ABCB1: variants seen among roughly 807,000 people sequenced by gnomAD.
ABCB1 encodes ATP binding cassette subfamily B member 1.
Under a neutral mutation model 142.0 loss-of-function variants are expected in ABCB1, and 69 were observed. That is an observed-to-expected ratio of 0.49 (90% CI 0.40 to 0.59). The LOEUF is 0.59. Among genes scored for constraint, ABCB1 ranks in the 20% least tolerant of loss-of-function variants. ABCB1 has a pLI of 0.00. For synonymous variants in ABCB1, 532 were observed against 539.2 expected (o/e 0.99, Z 0.18); for missense variants, 1,326 against 1,554.7 (o/e 0.85, Z 2.47).
intron 1 of ABCB1, among the ~76,000 whole-genome samples, chr7:87,647,036 A>G (rs925046171): frequency 2.7e-4 from 41 of 152,180 alleles, no homozygotes; most frequent in African/African-American, 9.2e-4. Context: ...GCATTCCTCA[A>G]TCAGGGTTCA....
intron 14 of ABCB1, among the ~76,000 whole-genome samples, chr7:87,549,010 G>T (rs571298080): frequency 5.8e-4 from 89 of 152,220 alleles, no homozygotes; most frequent in Non-Finnish European, 1.0e-3. Flanking sequence ...AAATAACAGG[G>T]TTATCCACAT....
At chr7:87,597,157 A>G (rs892218412) in intron 2 of ABCB1, among the ~76,000 whole-genome samples, 1 of 152,008 alleles carries the variant, frequency 6.6e-6, no homozygotes, top group African/African-American at 2.4e-5. Context: ...CCTGACCACC[A>G]AACTATAAGG....
At chr7:87,595,159 T>TA (rs942731186) in intron 3 of ABCB1, among the ~76,000 whole-genome samples, 2 of 151,980 alleles carry the variant, frequency 1.3e-5, no homozygotes, top group Non-Finnish European at 2.9e-5. Flanking sequence ...GAAAAGCTTC[T>TA]AAAAAAACCA....
At chr7:87,711,387 A>G (rs1366084608) in intron 1 of ABCB1, among the ~76,000 whole-genome samples, 1 of 151,876 alleles carries the variant, frequency 6.6e-6, no homozygotes, top group South Asian at 2.1e-4. Flanking sequence ...ATAATTAGTT[A>G]TTGCTTATCT....
At chr7:87,672,807 T>A (rs1044931615) in intron 1 of ABCB1, among the ~76,000 whole-genome samples, 8 of 152,156 alleles carry the variant, frequency 5.3e-5, no homozygotes, top group Non-Finnish European at 1.0e-4. Flanking sequence ...CAGGGGAGGT[T>A]CCCCTGGCTC....
chr7:87,530,941 G>A (rs919615787), intron 21 of ABCB1, among the ~76,000 whole-genome samples: 41 of 150,300 alleles, frequency 2.7e-4, no homozygotes, highest in African/African-American at 1.0e-3. Context: ...AAGGAAAGAA[G>A]GAAGGAAGGA....
intron 25 of ABCB1, among the ~76,000 whole-genome samples, chr7:87,512,547 C>T (rs573412784): frequency 1.1e-3 from 169 of 152,326 alleles, no homozygotes; most frequent in Non-Finnish European, 1.7e-3. Flanking sequence ...CTGATGGTCA[C>T]GAGAATTTCC....
chr7:87,622,346 C>T (rs996715527), intron 1 of ABCB1, among the ~76,000 whole-genome samples: 4 of 151,984 alleles, frequency 2.6e-5, no homozygotes, highest in African/African-American at 9.7e-5. Flanking sequence ...ATTTTCATTA[C>T]TAATGAAAAA....
rs545028126 is a variant in ABCB1, at chr7:87,628,866, G to A, written c.-330-27788C>T. ...GGGGGGCCTGAGCGGGATCCGCGGC[G>A]GTGGCGGCGGAGGCGGCAAGAAAAG... On this transcript the variant is annotated intron_variant, in intron 1 of 28. Transcript: ENST00000265724. The A allele has an allele frequency of 1.0e-5, 13 of 1,281,262 alleles. No homozygotes were observed. Among genetic ancestry groups the A allele is most frequent in the Admixed American group, 3.6e-5 (1 of 27,618 alleles). The allele number at this position is 1,281,262 out of a possible 1,614,324, so 79.4% of individuals were successfully genotyped here.
rs1490523317 is a variant in ABCB1, at chr7:87,545,802, T to A, written c.1887+61A>T. 4.5e-6 allele frequency: 7 copies of A among 1,547,328 alleles called. No individual in the cohort carries two copies. The Admixed American group carries it at 1.2e-4, about 27-fold the overall frequency. ...AATCAAATAATATTTATTTTTAGCA[T>A]TAAATGCAAAATCAGTTTATCACTG... On this transcript the variant is annotated intron_variant, in intron 15 of 27. Coordinates refer to ENST00000622132, the MANE Select transcript of ABCB1 (RefSeq NM_001348946.2).
chr7:87,532,338 A>C (rs1444602631), intron 20 of ABCB1, among the ~76,000 whole-genome samples: 2 of 152,126 alleles, frequency 1.3e-5, no homozygotes, highest in Non-Finnish European at 2.9e-5. Context: ...CTACATTCCC[A>C]GGAGGTTAGG....
In ABCB1 at chr7:87,570,235, C is replaced by T. The variant is rs199884220; in HGVS notation, c.287-12G>A. The stretch of plus-strand genomic sequence containing the variant: ...ATCATTGATATCACCTAGACCACCA[C>T]AAAACAAACATACCATTTATGTCTC... On this transcript the variant is annotated splice_polypyrimidine_tract_variant and intron_variant, in intron 4 of 27. Transcript: ENST00000622132. The T allele has an allele frequency of 1.2e-6, 2 of 1,610,010 alleles. No homozygotes were observed. The highest frequency in any genetic ancestry group is 3.3e-5 in the Admixed American group (2 of 60,012).
chr7:87,631,991 G>A (rs1821269768), intron 1 of ABCB1, among the ~76,000 whole-genome samples: 1 of 151,850 alleles, frequency 6.6e-6, no homozygotes, highest in South Asian at 2.1e-4. Flanking sequence ...TAAGATAAAT[G>A]TTTATAATAG....
rs148109572 is a variant in ABCB1 at position 87,514,877 on chromosome 7, C to G, written c.3282+354G>C. Among the ~76,000 whole-genome samples the G allele has an allele frequency of 9.7e-4, 148 of 152,348 alleles. 3 individuals carry two copies. In the East Asian group the frequency reaches 0.018, roughly 19 times the overall value. On this transcript the variant is annotated intron_variant, in intron 25 of 27. Coordinates refer to ENST00000622132, the MANE Select transcript of ABCB1 (RefSeq NM_001348946.2). ...TCATTGCTGACCACCATCTTTGAAA[C>G]AGTCTCCATCCTTGGCTTTCATCTC... is the stretch of plus-strand genomic sequence containing the variant.
chr7:87,709,569 T>A, intron 1 of ABCB1: 1 of 956,154 alleles, frequency 1.0e-6, no homozygotes, highest in Non-Finnish European at 1.2e-6. Context: ...CCAGTAGTAC[T>A]GCTGCTTCTA....
chr7:87,504,143 A>G lies in ABCB1; in HGVS notation c.*100T>C, dbSNP rs199954756. 2.3e-5 allele frequency: 34 copies of G among 1,462,042 alleles called. No individual in the cohort carries two copies. Among genetic ancestry groups the G allele is most frequent in the Middle Eastern group, 2.3e-4 (1 of 4,412 alleles). The allele number at this position is 1,462,042 out of a possible 1,614,324, so 90.6% of individuals were successfully genotyped here. Reference sequence around the variant, plus strand: ...ACTTGACTGAGGAAATGTTAAACAGATACCTCTTCATAATTCTGTAAGTGT... The same window carrying G: ...ACTTGACTGAGGAAATGTTAAACAGGTACCTCTTCATAATTCTGTAAGTGT... On this transcript the variant is annotated 3_prime_UTR_variant, in exon 28 of 28. Coordinates refer to ENST00000622132, the MANE Select transcript of ABCB1 (RefSeq NM_001348946.2).
chr7:87,554,336 T>TA (rs5885589), intron 8 of ABCB1, among the ~76,000 whole-genome samples: 79,363 of 142,086 alleles, frequency 0.56, 21,922 homozygotes, highest in African/African-American at 0.67. Context: ...TAGAAAGTAC[T>TA]AAAAAAAAAA....
intron 1 of ABCB1, among the ~76,000 whole-genome samples, chr7:87,671,283 C>T (rs571434291): frequency 5.1e-4 from 77 of 152,230 alleles, no homozygotes; most frequent in East Asian, 5.8e-4. Flanking sequence ...CTTATTGGTC[C>T]GGCAAGGGCA....
At chr7:87,536,915 G>A (rs899153294) in intron 19 of ABCB1, 37 of 291,466 alleles carry the variant, frequency 1.3e-4, no homozygotes, top group Admixed American at 4.9e-4. Context: ...TAGAGACTGG[G>A]GAGGGGAAAC....
Sources: allele counts gnomAD v4.1 joint callset (sites outside exome capture counted in the v4.1 genomes callset), GRCh38; gene constraint gnomAD v4.1.1; transcripts MANE v1.5; gene names NCBI Gene and HGNC (gene_info 2026-07-23, HGNC 2026-07-21).